CACNA2D3: variants seen among roughly 807,000 people sequenced by gnomAD.
CACNA2D3 encodes the protein calcium voltage-gated channel auxiliary subunit alpha2delta 3, also known as voltage-dependent calcium channel subunit alpha-2/delta-3.
In CACNA2D3, 60 loss-of-function variants were observed where a neutral mutation model predicts 160.6. That is an observed-to-expected ratio of 0.37 (90% CI 0.30 to 0.46). The LOEUF is 0.46. CACNA2D3 is among the 20% of genes least tolerant of loss of function. The pLI is 1.00. For missense variants in CACNA2D3, 1,205 were observed against 1,365.0 expected (o/e 0.88, Z 1.85); for synonymous variants, 558 against 492.9 (o/e 1.13, Z -1.75).
At chr3:54,482,308 A>G (rs1700946741) in intron 4 of CACNA2D3, among the ~76,000 whole-genome samples, 1 of 152,210 alleles carries the variant, frequency 6.6e-6, no homozygotes. Flanking sequence ...ATGAATGTTA[A>G]TATGGCTATA....
chr3:54,726,208 T>C (rs900502036), intron 11 of CACNA2D3, among the ~76,000 whole-genome samples: 5 of 152,006 alleles, frequency 3.3e-5, no homozygotes, highest in African/African-American at 1.2e-4. Context: ...TTACAAGGGA[T>C]GTGAAGGACC....
rs1217898723 is a variant in CACNA2D3, at chr3:54,809,311, C to CTTTTTTTTTTTT, written c.1381-7535_1381-7524dup. Among the ~76,000 whole-genome samples the CTTTTTTTTTTTT allele has an allele frequency of 1.9e-3, 155 of 80,714 alleles. 12 individuals carry two copies. The highest frequency in any genetic ancestry group is 5.4e-3 in the East Asian group (12 of 2,204). 53.0% of individuals were successfully genotyped at this position (80,714 alleles called of 152,430 possible). ...TCTTTCTTTCCTTCCTTCCTTCTTT[C>CTTTTTTTTTTTT]TTTTTTTTTTTTTTTTTTGAGACGG... On this transcript the variant is annotated intron_variant, in intron 13 of 37. Transcript: ENST00000474759.
intron 2 of CACNA2D3, among the ~76,000 whole-genome samples, chr3:54,220,206 G>A (rs750877958): frequency 2.5e-4 from 38 of 151,636 alleles, no homozygotes; most frequent in Non-Finnish European, 4.1e-4. Context: ...CATTTCAGTC[G>A]GTCTGCTCTG....
intron 23 of CACNA2D3, 135 bp downstream of exon 23, chr3:54,885,721 A>G: frequency 1.5e-6 from 1 of 656,724 alleles, no homozygotes; most frequent in Non-Finnish European, 2.7e-6. Flanking sequence ...ATCTAATCAA[A>G]TATCTGCTTC....
intron 11 of CACNA2D3, among the ~76,000 whole-genome samples, chr3:54,752,101 A>G (rs1701868216): frequency 6.6e-6 from 1 of 152,212 alleles, no homozygotes; most frequent in Non-Finnish European, 1.5e-5. Context: ...CTCTCATCCC[A>G]GTTAATTATC....
intron 11 of CACNA2D3, among the ~76,000 whole-genome samples, chr3:54,652,731 A>C (rs568284086): frequency 1.5e-3 from 223 of 150,344 alleles, no homozygotes; most frequent in African/African-American, 4.9e-3. Flanking sequence ...TTCAGTGGGC[A>C]CAGTGAGATG....
intron 11 of CACNA2D3, among the ~76,000 whole-genome samples, chr3:54,687,259 GC>G (rs1700481522): frequency 6.7e-6 from 1 of 149,624 alleles, no homozygotes; most frequent in Non-Finnish European, 1.5e-5. Flanking sequence ...TTCTGCCTCA[GC>G]CTCCCGAGTA....
intron 4 of CACNA2D3, among the ~76,000 whole-genome samples, chr3:54,401,103 A>G (rs1432650842): frequency 6.6e-6 from 1 of 152,090 alleles, no homozygotes; most frequent in Admixed American, 6.5e-5. Flanking sequence ...TGAAATAAAA[A>G]CTATAATAGA....
intron 5 of CACNA2D3, among the ~76,000 whole-genome samples, chr3:54,530,871 T>C (rs1289647350): frequency 6.6e-6 from 1 of 152,214 alleles, no homozygotes; most frequent in Non-Finnish European, 1.5e-5. Flanking sequence ...CTGTGTCCTC[T>C]TGTGGTCTCT....
chr3:54,311,774 C>G (rs1575387843), intron 2 of CACNA2D3, among the ~76,000 whole-genome samples: 1 of 152,202 alleles, frequency 6.6e-6, no homozygotes, highest in Non-Finnish European at 1.5e-5. Context: ...CCCCCCATCT[C>G]CGTGCAGCTT....
chr3:54,357,012 T>C (rs1035184585), intron 3 of CACNA2D3, among the ~76,000 whole-genome samples: 1 of 152,096 alleles, frequency 6.6e-6, no homozygotes, highest in African/African-American at 2.4e-5. Context: ...GACCCCCTCC[T>C]TGTGGGCTGC....
At chr3:54,642,332 G>A in intron 11 of CACNA2D3, 91 bp downstream of exon 11, 1 of 635,462 alleles carries the variant, frequency 1.6e-6, no homozygotes, top group Admixed American at 3.5e-5. Context: ...GCCTCATGTA[G>A]ACTTAATCTC....
At chr3:54,617,951 GTT>G (rs113051962) in intron 9 of CACNA2D3, among the ~76,000 whole-genome samples, 3,790 of 142,542 alleles carry the variant, frequency 0.027, 140 homozygotes, top group African/African-American at 0.091. Context: ...TAGAGTTTGG[GTT>G]TTTTTTTTTT....
At chr3:54,216,061 G>A (rs757526823) in intron 2 of CACNA2D3, among the ~76,000 whole-genome samples, 5 of 152,024 alleles carry the variant, frequency 3.3e-5, no homozygotes, top group Admixed American at 1.3e-4. Context: ...GTTCTTGAGC[G>A]GCTGAGCCCT....
At chr3:54,576,248 A>T (rs1476163769) in intron 8 of CACNA2D3, among the ~76,000 whole-genome samples, 2 of 152,076 alleles carry the variant, frequency 1.3e-5, no homozygotes, top group Admixed American at 6.5e-5. Flanking sequence ...CCTCACTGTT[A>T]TCCAGAGCCC....
intron 2 of CACNA2D3, among the ~76,000 whole-genome samples, chr3:54,204,726 G>A (rs747258682): frequency 4.7e-5 from 7 of 150,390 alleles, no homozygotes; most frequent in African/African-American, 9.7e-5. Context: ...AACCCGGGAG[G>A]TGGAGGTTGC....
At chr3:54,466,343 C>G (rs941894525) in intron 4 of CACNA2D3, among the ~76,000 whole-genome samples, 2 of 152,254 alleles carry the variant, frequency 1.3e-5, no homozygotes, top group Non-Finnish European at 2.9e-5. Flanking sequence ...AATTTTTACA[C>G]TGTTAAATTC....
At chr3:55,065,975 C>T (rs1028583513) in intron 35 of CACNA2D3, among the ~76,000 whole-genome samples, 2 of 152,236 alleles carry the variant, frequency 1.3e-5, no homozygotes, top group African/African-American at 4.8e-5. Flanking sequence ...CTGTCCACCT[C>T]CCTCCTACTG....
chr3:54,675,135 C>G (rs510605), intron 11 of CACNA2D3, among the ~76,000 whole-genome samples: 3 of 151,926 alleles, frequency 2.0e-5, no homozygotes, highest in South Asian at 2.1e-4. Flanking sequence ...TTGGCAATAC[C>G]TAGCAGAGAA....
Sources: allele counts gnomAD v4.1 joint callset (sites outside exome capture counted in the v4.1 genomes callset), GRCh38; gene constraint gnomAD v4.1.1; transcripts MANE v1.5; gene names NCBI Gene and HGNC (gene_info 2026-07-23, HGNC 2026-07-21).